Variants in SLMAP observed in about 807,000 individuals in gnomAD.
SLMAP encodes the protein sarcolemma associated protein.
SLMAP carries 44 observed loss-of-function variants against 128.8 expected under a neutral mutation model. The ratio of observed to expected loss-of-function variants is 0.34; its 90% CI spans 0.27 to 0.44. The LOEUF is 0.44. Ranked by LOEUF, SLMAP falls within the 20% of genes least tolerant of loss-of-function variation. The pLI is 1.00. For missense variants in SLMAP, 787 were observed against 985.3 expected (o/e 0.80, Z 2.69); for synonymous variants, 327 against 348.8 (o/e 0.94, Z 0.70).
intron 10 of SLMAP, among the ~76,000 whole-genome samples, chr3:57,862,935 A>G (rs2095154743): frequency 6.6e-6 from 1 of 152,242 alleles, no homozygotes; most frequent in Non-Finnish European, 1.5e-5. Flanking sequence ...AAATGCTGAC[A>G]TAGTTCCTCT....
At chr3:57,768,004 A>G in intron 2 of SLMAP, among the ~76,000 whole-genome samples, 1 of 152,208 alleles carries the variant, frequency 6.6e-6, no homozygotes, top group East Asian at 1.9e-4. Context: ...TACTCCTAGA[A>G]ATACAATATT....
Position 57,862,090 on chromosome 3 carries a change from T to A in SLMAP, c.966+4T>A, listed in dbSNP as rs2095093240. On this transcript the variant is annotated splice_donor_region_variant and intron_variant, in intron 10 of 24. Transcript: ENST00000671191. Reference sequence around the variant, plus strand: ...AGATTTATCTGATAAATTAAAGGTATGTATTTACTCTGCCTGAAAGTATGT... The same window carrying A: ...AGATTTATCTGATAAATTAAAGGTAAGTATTTACTCTGCCTGAAAGTATGT... 2.6e-6 allele frequency: 4 copies of A among 1,562,660 alleles called. No individual in the cohort carries two copies. Among genetic ancestry groups the A allele is most frequent in the Non-Finnish European group, 3.5e-6 (4 of 1,135,264 alleles).
In SLMAP at chr3:57,757,373, C is replaced by T. The variant is rs540069828; in HGVS notation, c.-279C>T. The T allele has an allele frequency of 1.6e-5, 8 of 500,396 alleles. No homozygotes were observed. The highest frequency in any genetic ancestry group is 2.2e-5 in the Non-Finnish European group (6 of 276,084). 31.0% of individuals were successfully genotyped at this position (500,396 alleles called of 1,614,324 possible). On this transcript the variant is annotated 5_prime_UTR_variant, in exon 2 of 25. Transcript: ENST00000671191. The stretch of plus-strand genomic sequence containing the variant: ...GGCCGAAGCTGCCCGATGTTTGAGC[C>T]TTTTCTTCCCAGAGAAGAAGATGGA...
At chr3:57,865,480 A>G (rs2095272437) in intron 13 of SLMAP, among the ~76,000 whole-genome samples, 188 bp downstream of exon 13, 1 of 152,166 alleles carries the variant, frequency 6.6e-6, no homozygotes, top group Non-Finnish European at 1.5e-5. Flanking sequence ...CAATTCTTAG[A>G]TATCCCTTGT....
At chr3:57,875,648 CTGTT>C (rs1368169201) in intron 14 of SLMAP, among the ~76,000 whole-genome samples, 1 of 152,180 alleles carries the variant, frequency 6.6e-6, no homozygotes, top group Non-Finnish European at 1.5e-5. Flanking sequence ...CTATTGAAAT[CTGTT>C]TGGTTTCTGA....
intron 2 of SLMAP, among the ~76,000 whole-genome samples, chr3:57,776,043 G>A (rs2081869953): frequency 6.6e-6 from 1 of 152,154 alleles, no homozygotes; most frequent in South Asian, 2.1e-4. Context: ...TTGTGGAAAA[G>A]GATACTCATT....
intron 2 of SLMAP, among the ~76,000 whole-genome samples, chr3:57,763,721 A>C (rs143847340): frequency 6.6e-6 from 1 of 152,214 alleles, no homozygotes; most frequent in Non-Finnish European, 1.5e-5. Flanking sequence ...GTGACAGTGC[A>C]CTTTGAAAAT....
intron 2 of SLMAP, among the ~76,000 whole-genome samples, chr3:57,816,854 A>G (rs1313633645): frequency 2.0e-5 from 3 of 152,226 alleles, no homozygotes; most frequent in African/African-American, 7.2e-5. Flanking sequence ...GGTAGAGAGT[A>G]TGAGTGGGTG....
At chr3:57,792,295 C>G (rs2085656414) in intron 2 of SLMAP, among the ~76,000 whole-genome samples, 1 of 151,764 alleles carries the variant, frequency 6.6e-6, no homozygotes, top group South Asian at 2.1e-4. Flanking sequence ...AGTAAATTAG[C>G]TGAAACAGTC....
intron 22 of SLMAP, chr3:57,917,490 C>G (rs963921612): frequency 5.5e-6 from 1 of 181,770 alleles, no homozygotes; most frequent in African/African-American, 2.4e-5. Flanking sequence ...ACTTAAAATT[C>G]ACCTCATAGC....
At chr3:57,862,122 A>G (rs1301855106) in intron 10 of SLMAP, 36 bp downstream of exon 10, 1 of 1,505,096 alleles carries the variant, frequency 6.6e-7, no homozygotes, top group Admixed American at 1.8e-5. Context: ...ATGTTAAGCT[A>G]ATAATCCCTA....
At chr3:57,794,678 A>G (rs2086309581) in intron 2 of SLMAP, among the ~76,000 whole-genome samples, 1 of 152,164 alleles carries the variant, frequency 6.6e-6, no homozygotes. Context: ...TATCGATGGA[A>G]TGATACAACA....
chr3:57,790,249 A>C (rs2085167237), intron 2 of SLMAP, among the ~76,000 whole-genome samples: 1 of 152,254 alleles, frequency 6.6e-6, no homozygotes, highest in Admixed American at 6.5e-5. Flanking sequence ...GTATGTGGAT[A>C]GCTAAGTATA....
chr3:57,871,356 A>G (rs975477897), intron 13 of SLMAP, among the ~76,000 whole-genome samples: 2 of 152,178 alleles, frequency 1.3e-5, no homozygotes, highest in African/African-American at 2.4e-5. Context: ...CTAGTGGACA[A>G]AAGGTGGAAG....
In SLMAP at chr3:57,814,974, A is replaced by G. The variant is rs143096461; in HGVS notation, c.199-16409A>G. ...TGTACTCTAGTATGGGTTACAGAGC[A>G]AGACTCTGTCTCAAAAACCCCCCAA... On this transcript the variant is annotated intron_variant, in intron 2 of 24. Transcript: ENST00000671191. Among the ~76,000 whole-genome samples the G allele has an allele frequency of 5.6e-3, 857 of 152,208 alleles. 4 individuals carry two copies. Among genetic ancestry groups the G allele is most frequent in the Non-Finnish European group, 9.3e-3 (633 of 68,026 alleles).
In SLMAP at chr3:57,927,312, T is replaced by A. The variant is rs2097027948; in HGVS notation, c.*23T>A. The A allele has an allele frequency of 1.2e-6, 2 of 1,606,548 alleles. No individual in the cohort carries two copies. The highest frequency in any genetic ancestry group is 1.7e-6 in the Non-Finnish European group (2 of 1,175,052). ...TCCACACAGAAACCCTGGCCCTGGA[T>A]GCCCATGTTGGCTGCCCTGGTTGCA... On this transcript the variant is annotated 3_prime_UTR_variant, in exon 25 of 25. Coordinates refer to ENST00000671191, the MANE Select transcript of SLMAP (RefSeq NM_001377540.1).
chr3:57,883,086 A>G (rs1178695271), intron 14 of SLMAP, among the ~76,000 whole-genome samples: 1 of 152,194 alleles, frequency 6.6e-6, no homozygotes, highest in Non-Finnish European at 1.5e-5. Context: ...TGCATAGTAA[A>G]TATTTGAAAG....
Position 57,909,166 on chromosome 3 carries a change from A to G in SLMAP, c.1699+16A>G, listed in dbSNP as rs765694247. On this transcript the variant is annotated intron_variant, in intron 19 of 24. Transcript: ENST00000671191. ...GTTCTTCAAGGTATGGAAGACCCCA[A>G]GGCTCTTTGAGATTGTTATTGTGTG... 2.8e-5 allele frequency: 44 copies of G among 1,551,776 alleles called. 1 individual carries two copies. Among genetic ancestry groups the G allele is most frequent in the South Asian group, 3.5e-5 (3 of 86,344 alleles).
intron 22 of SLMAP, 109 bp downstream of exon 22, chr3:57,917,186 G>A: frequency 6.4e-7 from 1 of 1,556,272 alleles, no homozygotes; most frequent in East Asian, 2.4e-5. Context: ...CACATTACCT[G>A]TCACAAAATT....
Sources: gnomAD v4.1 joint callset for allele counts (sites outside exome capture counted in the v4.1 genomes callset) on GRCh38, gnomAD v4.1.1 for gene constraint, MANE v1.5 for transcripts, NCBI Gene and HGNC (gene_info 2026-07-23, HGNC 2026-07-21) for gene names.